Variants in AFF2 observed in about 807,000 individuals in gnomAD.
AFF2 encodes ALF transcription elongation factor 2, also known as AF4/FMR2 family member 2.
AFF2 carries 14 observed loss-of-function variants against 76.9 expected under a neutral mutation model. That is an observed-to-expected ratio of 0.18 (90% CI 0.12 to 0.28). The LOEUF is 0.28. Among genes scored for constraint, AFF2 ranks in the 10% least tolerant of loss-of-function variants. The pLI, the probability that AFF2 is intolerant of heterozygous loss-of-function variation, is 1.00. For missense variants in AFF2, 868 were observed against 1,001.1 expected, an observed-to-expected ratio of 0.87 and a Z score of 1.79; for synonymous variants, 398 against 366.7, an observed-to-expected ratio of 1.09 and a Z score of -0.98.
At chrX:148,720,764 G>A (rs1279122494) in intron 3 of AFF2, among the ~76,000 whole-genome samples, 2 of 112,133 alleles carry the variant, frequency 1.8e-5, no homozygotes, top group Non-Finnish European at 3.8e-5. Context: ...TCAAGTAAGA[G>A]GGTGGCAATT....
At chrX:148,641,966 T>C (rs1383278901) in intron 1 of AFF2, among the ~76,000 whole-genome samples, 2 of 112,352 alleles carry the variant, frequency 1.8e-5, no homozygotes, top group Non-Finnish European at 3.8e-5. Context: ...GTACTGTGCA[T>C]GAGAATCTCA....
intron 3 of AFF2, among the ~76,000 whole-genome samples, chrX:148,731,381 T>A (rs1229641969): frequency 8.9e-6 from 1 of 112,061 alleles, no homozygotes; most frequent in Non-Finnish European, 1.9e-5. Context: ...ACAGGTTCAC[T>A]TTTTATACTC....
chrX:148,809,307 C>G (rs1396282278), intron 3 of AFF2, among the ~76,000 whole-genome samples: 1 of 111,766 alleles, frequency 8.9e-6, no homozygotes, highest in East Asian at 2.8e-4. Flanking sequence ...CTGCTAGTGA[C>G]TTGAATCTTG....
intron 3 of AFF2, among the ~76,000 whole-genome samples, chrX:148,763,728 G>A (rs1391196880): frequency 8.9e-6 from 1 of 111,869 alleles, no homozygotes; most frequent in Admixed American, 9.5e-5. Context: ...AAATTAGTAA[G>A]ATAAATTGAG....
chrX:148,721,290 A>G (rs2055089846), intron 3 of AFF2, among the ~76,000 whole-genome samples: 1 of 112,182 alleles, frequency 8.9e-6, no homozygotes, highest in Non-Finnish European at 1.9e-5. Context: ...TGAAGAGCAC[A>G]TGATTTGGAG....
intron 3 of AFF2, among the ~76,000 whole-genome samples, chrX:148,676,469 G>T (rs2054485890): frequency 8.9e-6 from 1 of 111,874 alleles, no homozygotes; most frequent in South Asian, 3.7e-4. Context: ...AGTGCCCATT[G>T]TGTGCCAGGT....
At position 148,994,068 on chromosome X, in the gene AFF2, T is replaced by G. The variant is rs1236569802; in HGVS notation, c.*2736T>G. On this transcript the variant is annotated 3_prime_UTR_variant, in exon 21 of 21. Coordinates refer to ENST00000370460, the MANE Select transcript of AFF2 (RefSeq NM_002025.4). ...GTGGATGGCAGTGAGAGATCGTGCCTCTAGATCTTGATGGAGGCTTGGTGA... is the reference window on the plus strand; with the variant it reads ...GTGGATGGCAGTGAGAGATCGTGCCGCTAGATCTTGATGGAGGCTTGGTGA... 1.8e-5 allele frequency: 2 copies of G among 111,681 alleles called. No homozygotes were observed. The highest frequency in any genetic ancestry group is 6.6e-5 in the African/African-American group (2 of 30,533). The allele number at this position is 111,681 out of a possible 1,213,427, so 9.2% of individuals were successfully genotyped here. A position where few individuals can be genotyped will look rare whatever the true frequency, so the allele number is the denominator to read the frequency against.
At chrX:148,946,847 G>A (rs1473181671) in intron 9 of AFF2, among the ~76,000 whole-genome samples, 2 of 111,713 alleles carry the variant, frequency 1.8e-5, no homozygotes, top group African/African-American at 6.5e-5. Context: ...AAGGATCCCC[G>A]TGATTACACT....
intron 2 of AFF2, among the ~76,000 whole-genome samples, chrX:148,661,538 G>A (rs1603270450): frequency 8.9e-6 from 1 of 111,965 alleles, no homozygotes; most frequent in South Asian, 3.7e-4. Flanking sequence ...TCCAATGATT[G>A]GTAAGCAGAA....
chrX:148,525,168 T>C (rs1481190622), intron 1 of AFF2, among the ~76,000 whole-genome samples: 1 of 111,903 alleles, frequency 8.9e-6, no homozygotes, highest in Non-Finnish European at 1.9e-5. Flanking sequence ...TGTGTGTGTG[T>C]GCATGTGCAG....
chrX:148,748,953 T>C lies in AFF2; in HGVS notation c.1042-60923T>C, dbSNP rs1388628188. 7.1e-5 allele frequency among the ~76,000 whole-genome samples: 8 copies of C among 111,948 alleles called. No individual in the cohort carries two copies. In the Admixed American group the frequency reaches 7.6e-4, roughly 11 times the overall value. ...ATGGTTTTCTCACATACATTTTTAA[T>C]GGTAGATCTTTAGTAGACAGCTCAT... is the stretch of plus-strand genomic sequence containing the variant. On this transcript the variant is annotated intron_variant, in intron 3 of 20. Coordinates refer to ENST00000370460, the MANE Select transcript of AFF2 (RefSeq NM_002025.4).
intron 5 of AFF2, among the ~76,000 whole-genome samples, chrX:148,841,403 A>G (rs373351355): frequency 8.9e-6 from 1 of 112,205 alleles, no homozygotes; most frequent in East Asian, 2.8e-4. Context: ...GGAATCATGC[A>G]GTATAAATTA....
At chrX:148,652,384 T>TCTCCTACA (rs2054211615) in intron 2 of AFF2, among the ~76,000 whole-genome samples, 1 of 111,563 alleles carries the variant, frequency 9.0e-6, no homozygotes, top group Non-Finnish European at 1.9e-5. Context: ...AATGAGCCCC[T>TCTCCTACA]CTCTGCCCAA....
chrX:148,976,020 A>T, intron 16 of AFF2, among the ~76,000 whole-genome samples: 1 of 107,930 alleles, frequency 9.3e-6, no homozygotes, highest in East Asian at 2.9e-4. Flanking sequence ...TGAATCATTA[A>T]GTAATTTTCT....
chrX:148,916,495 C>G (rs1185590239), intron 9 of AFF2, among the ~76,000 whole-genome samples: 2 of 110,535 alleles, frequency 1.8e-5, no homozygotes, highest in Non-Finnish European at 3.8e-5. Flanking sequence ...CAGGCTTGAG[C>G]CACCGTGCCC....
At chrX:148,894,542 A>G (rs1361291470) in intron 8 of AFF2, among the ~76,000 whole-genome samples, 1 of 111,940 alleles carries the variant, frequency 8.9e-6, no homozygotes, top group Non-Finnish European at 1.9e-5. Context: ...TCCAAAATGT[A>G]TGGGGCCACA....
chrX:148,559,836 C>T (rs781879523), intron 1 of AFF2, among the ~76,000 whole-genome samples: 1 of 111,236 alleles, frequency 9.0e-6, no homozygotes, highest in South Asian at 3.8e-4. Context: ...GTTCTAGATC[C>T]TTGAGGAATT....
intron 3 of AFF2, among the ~76,000 whole-genome samples, chrX:148,793,887 G>A (rs2069933606): frequency 8.9e-6 from 1 of 111,945 alleles, no homozygotes; most frequent in Admixed American, 9.5e-5. Flanking sequence ...GGAGATGAGA[G>A]TATCCACTCA....
chrX:148,946,319 C>G (rs1211373313), intron 9 of AFF2, among the ~76,000 whole-genome samples: 1 of 112,134 alleles, frequency 8.9e-6, no homozygotes, highest in Non-Finnish European at 1.9e-5. Context: ...GGTTCCCTTC[C>G]CAGGGTGGGC....
Sources: allele counts gnomAD v4.1 joint callset (sites outside exome capture counted in the v4.1 genomes callset), GRCh38; gene constraint gnomAD v4.1.1; transcripts MANE v1.5; gene names NCBI Gene and HGNC (gene_info 2026-07-23, HGNC 2026-07-21).